GCNT2: variants seen among roughly 807,000 people sequenced by gnomAD.
GCNT2 encodes N-acetyllactosaminide beta-1,6-N-acetylglucosaminyl-transferase.
In GCNT2, 34 loss-of-function variants were observed where a neutral mutation model predicts 34.2. The ratio of observed to expected loss-of-function variants is 1.00; its 90% CI spans 0.76 to 1.32. The LOEUF is 1.32. GCNT2 is among the 40% of genes most tolerant of loss of function. GCNT2 has a pLI of 0.00. For synonymous variants in GCNT2, 212 were observed against 188.0 expected (o/e 1.13, Z -1.04); for missense variants, 584 against 489.4 (o/e 1.19, Z -1.82).
At chr6:10,606,748 G>A (rs921670055) in intron 3 of GCNT2, among the ~76,000 whole-genome samples, 10 of 104,776 alleles carry the variant, frequency 9.5e-5, no homozygotes, top group Non-Finnish European at 5.6e-5. Context: ...AAAATAAAAT[G>A]CAGAAAACGA....
At chr6:10,551,679 G>A (rs1376819395) in intron 3 of GCNT2, among the ~76,000 whole-genome samples, 1 of 150,568 alleles carries the variant, frequency 6.6e-6, no homozygotes, top group African/African-American at 2.4e-5. Context: ...TCCTGACCTC[G>A]TGATCCACCT....
intron 3 of GCNT2, among the ~76,000 whole-genome samples, chr6:10,592,741 GTTTGTTTGTTTA>G (rs905945189): frequency 6.6e-6 from 1 of 151,946 alleles, no homozygotes; most frequent in African/African-American, 2.4e-5. Context: ...TTGTTTGTTT[GTTTGTTTGTTTA>G]TTTATTTGAG....
At chr6:10,529,994 A>C in intron 3 of GCNT2, 158 bp downstream of exon 3, 3 of 656,064 alleles carry the variant, frequency 4.6e-6, no homozygotes, top group Non-Finnish European at 8.0e-6. Flanking sequence ...GGTAAAATGG[A>C]GATGTGTTAT....
chr6:10,531,588 C>T (rs778733770), intron 3 of GCNT2, among the ~76,000 whole-genome samples: 4 of 152,152 alleles, frequency 2.6e-5, no homozygotes, highest in Non-Finnish European at 4.4e-5. Context: ...GCATACAAAG[C>T]TTCATAGGCT....
At chr6:10,605,095 A>G (rs1294429804) in intron 3 of GCNT2, among the ~76,000 whole-genome samples, 1 of 151,848 alleles carries the variant, frequency 6.6e-6, no homozygotes, top group Non-Finnish European at 1.5e-5. Context: ...GCAGTGATCC[A>G]TGATTGCGCC....
At chr6:10,611,706 C>T (rs1273641956) in intron 3 of GCNT2, among the ~76,000 whole-genome samples, 1 of 150,894 alleles carries the variant, frequency 6.6e-6, no homozygotes, top group Non-Finnish European at 1.5e-5. Flanking sequence ...CACTACAATT[C>T]CCTGCCATTT....
At chr6:10,572,100 A>G (rs1357429494) in intron 3 of GCNT2, among the ~76,000 whole-genome samples, 1 of 150,612 alleles carries the variant, frequency 6.6e-6, no homozygotes, top group South Asian at 2.1e-4. Flanking sequence ...GTTCTGGGAA[A>G]CCCCTCAGCT....
chr6:10,600,324 T>C (rs1765039375), intron 3 of GCNT2, among the ~76,000 whole-genome samples: 1 of 152,248 alleles, frequency 6.6e-6, no homozygotes, highest in African/African-American at 2.4e-5. Context: ...AATACAGTTT[T>C]TGAAATGTAT....
chr6:10,581,769 C>A, intron 3 of GCNT2: 1 of 985,158 alleles, frequency 1.0e-6, no homozygotes, highest in Non-Finnish European at 1.2e-6. Flanking sequence ...AATAGAAGAC[C>A]TTTGCCTCTC....
intron 3 of GCNT2, among the ~76,000 whole-genome samples, chr6:10,585,070 TGTGTGTGTGC>T (rs1212077465): frequency 0.012 from 1,170 of 101,380 alleles, 19 homozygotes; most frequent in African/African-American, 0.045. Context: ...TGTGTGTGTG[TGTGTGTGTGC>T]GCGCTATATT....
At chr6:10,623,291 TA>T (rs1335576966) in intron 4 of GCNT2, among the ~76,000 whole-genome samples, 50 of 149,040 alleles carry the variant, frequency 3.4e-4, no homozygotes, top group Non-Finnish European at 6.1e-4. Context: ...CTGCCTACAT[TA>T]TTTTTTTTTT....
At chr6:10,544,535 C>A (rs1156645904) in intron 3 of GCNT2, among the ~76,000 whole-genome samples, 18 of 149,834 alleles carry the variant, frequency 1.2e-4, no homozygotes, top group Admixed American at 1.1e-3. Flanking sequence ...ACCCAGGAGG[C>A]GGAGGTTGCA....
At chr6:10,583,464 T>A (rs1251279547) in intron 3 of GCNT2, among the ~76,000 whole-genome samples, 2 of 152,162 alleles carry the variant, frequency 1.3e-5, no homozygotes, top group Admixed American at 6.6e-5. Flanking sequence ...ATCCTTTAGT[T>A]GACCAGTTAA....
At chr6:10,553,242 G>T (rs1308625894) in intron 3 of GCNT2, among the ~76,000 whole-genome samples, 1 of 152,210 alleles carries the variant, frequency 6.6e-6, no homozygotes, top group Non-Finnish European at 1.5e-5. Context: ...GGCACGCCCT[G>T]CCTGGAGGTG....
intron 3 of GCNT2, among the ~76,000 whole-genome samples, chr6:10,539,559 T>TA (rs1696538226): frequency 6.6e-6 from 1 of 152,064 alleles, no homozygotes; most frequent in African/African-American, 2.4e-5. Flanking sequence ...ATCCTGGGGA[T>TA]AAAATATCTC....
At chr6:10,553,052 G>A (rs1055397187) in intron 3 of GCNT2, among the ~76,000 whole-genome samples, 1 of 152,186 alleles carries the variant, frequency 6.6e-6, no homozygotes, top group Non-Finnish European at 1.5e-5. Context: ...TACATGTCTA[G>A]TGTTGCTGCT....
intron 3 of GCNT2, among the ~76,000 whole-genome samples, chr6:10,607,107 C>G (rs1194370318): frequency 6.6e-6 from 1 of 151,958 alleles, no homozygotes; most frequent in Non-Finnish European, 1.5e-5. Context: ...CCACCACACC[C>G]AGCTAATTTT....
rs900233462 is a variant in GCNT2 at position 10,585,933 on chromosome 6, C to T, written c.926-35418C>T. 3.7e-6 allele frequency: 6 copies of T among 1,607,010 alleles called. No homozygotes were observed. In the African/African-American group the frequency reaches 6.7e-5, roughly 18 times the overall value. ...AGAGAAGCAAATTCAACCTCTCACA[C>T]CGATCATTTCTCATTCCCTGAAAAG... On this transcript the variant is annotated intron_variant, in intron 3 of 4. Coordinates refer to ENST00000495262, the MANE Select transcript of GCNT2 (RefSeq NM_145649.5).
intron 3 of GCNT2, among the ~76,000 whole-genome samples, chr6:10,576,920 CAATAATAATAAT>C (rs142548361): frequency 6.6e-6 from 1 of 151,304 alleles, no homozygotes; most frequent in South Asian, 2.1e-4. Context: ...AAAATAATAA[CAATAATAATAAT>C]AATAATAAAA....
Sources: allele counts gnomAD v4.1 joint callset (sites outside exome capture counted in the v4.1 genomes callset), GRCh38; gene constraint gnomAD v4.1.1; transcripts MANE v1.5; gene names NCBI Gene and HGNC (gene_info 2026-07-23, HGNC 2026-07-21).